Variants in GABRB1 observed in about 807,000 individuals in gnomAD.
GABRB1 encodes gamma-aminobutyric acid type A receptor subunit beta1.
A neutral mutation model predicts 51.6 loss-of-function variants in GABRB1; 17 were observed. That is an observed-to-expected ratio of 0.33 (90% CI 0.23 to 0.49). The LOEUF (loss-of-function observed/expected upper bound fraction) is 0.49, where lower values mean the gene tolerates loss of function less well. GABRB1 is among the 20% of genes least tolerant of loss of function. The pLI is 0.99. For missense variants in GABRB1, 410 were observed against 600.6 expected, an observed-to-expected ratio of 0.68 and a Z score of 3.32; for synonymous variants, 247 against 218.9, an observed-to-expected ratio of 1.13 and a Z score of -1.14.
chr4:47,404,712 C>A (rs371269201), intron 7 of GABRB1, among the ~76,000 whole-genome samples: 1 of 152,082 alleles, frequency 6.6e-6, no homozygotes, highest in Non-Finnish European at 1.5e-5. Flanking sequence ...CTTTGAACAG[C>A]CTAAGATTAA....
chr4:47,029,424 A>G (rs1382258949), upstream of GABRB1, among the ~76,000 whole-genome samples: 1 of 151,786 alleles, frequency 6.6e-6, no homozygotes, highest in Non-Finnish European at 1.5e-5. Flanking sequence ...TTTCTTATTT[A>G]CTTCTGGAAG....
At chr4:47,011,362 C>T (rs549449332) in intron 1 of GABRB1, among the ~76,000 whole-genome samples, 7 of 152,180 alleles carry the variant, frequency 4.6e-5, no homozygotes, top group African/African-American at 7.2e-5. Context: ...ACTGTCTGGG[C>T]GGCAACTACA....
At chr4:47,310,621 G>A (rs1034977884) in intron 4 of GABRB1, among the ~76,000 whole-genome samples, 1 of 152,098 alleles carries the variant, frequency 6.6e-6, no homozygotes, top group African/African-American at 2.4e-5. Context: ...GTCTATCTGG[G>A]TTTGAATCTC....
intron 4 of GABRB1, among the ~76,000 whole-genome samples, chr4:47,213,127 T>A (rs1467906805): frequency 1.3e-5 from 2 of 152,184 alleles, no homozygotes; most frequent in Non-Finnish European, 2.9e-5. Context: ...CCCACCCCCA[T>A]GGTCCTTATA....
chr4:47,096,283 C>T (rs942920592), intron 3 of GABRB1, among the ~76,000 whole-genome samples: 19 of 152,014 alleles, frequency 1.2e-4, no homozygotes, highest in African/African-American at 4.6e-4. Flanking sequence ...ATATTGGAAA[C>T]GCCAAGCCAA....
intron 3 of GABRB1, among the ~76,000 whole-genome samples, chr4:47,100,891 C>G (rs1466999836): frequency 6.6e-6 from 1 of 151,816 alleles, no homozygotes; most frequent in Non-Finnish European, 1.5e-5. Flanking sequence ...CAAGAGAAAC[C>G]AGCTTTCTTA....
chr4:47,287,927 T>C (rs1251913643), intron 4 of GABRB1, among the ~76,000 whole-genome samples: 2 of 152,114 alleles, frequency 1.3e-5, no homozygotes, highest in Non-Finnish European at 2.9e-5. Context: ...TGAGCTTGAG[T>C]ATGACTCATC....
chr4:47,222,988 C>T lies in GABRB1; in HGVS notation c.461+61519C>T, dbSNP rs547161086. On this transcript the variant is annotated intron_variant, in intron 4 of 8. Transcript: ENST00000295454. ...ACTTAAGAAAAATATTAAATGACAC[C>T]TTGCCATCTAAGCTCCTTTTAAGCA... Among the ~76,000 whole-genome samples the T allele has an allele frequency of 2.0e-5, 3 of 152,102 alleles. No individual in the cohort carries two copies. The East Asian group carries it at 5.8e-4, about 29-fold the overall frequency.
chr4:47,038,124 T>A (rs1725676238), intron 3 of GABRB1, among the ~76,000 whole-genome samples: 1 of 152,176 alleles, frequency 6.6e-6, no homozygotes, highest in Admixed American at 6.6e-5. Context: ...AAAATCTTTG[T>A]CTCCATCTTA....
At chr4:47,055,982 T>A (rs1726580879) in intron 3 of GABRB1, among the ~76,000 whole-genome samples, 1 of 152,200 alleles carries the variant, frequency 6.6e-6, no homozygotes, top group Admixed American at 6.5e-5. Flanking sequence ...ACTTTTAGCA[T>A]TAGTAAGTCC....
chr4:47,178,494 A>G (rs1718797397), intron 4 of GABRB1, among the ~76,000 whole-genome samples: 1 of 152,032 alleles, frequency 6.6e-6, no homozygotes, highest in Admixed American at 6.6e-5. Flanking sequence ...TTGTCATTGG[A>G]TTAGTGGAGC....
intron 4 of GABRB1, among the ~76,000 whole-genome samples, chr4:47,220,414 TC>T (rs886469273): frequency 2.2e-4 from 33 of 152,084 alleles, no homozygotes; most frequent in African/African-American, 7.7e-4. Flanking sequence ...CTTATCCTCT[TC>T]TGCAATCACT....
chr4:47,245,472 T>G (rs1357720231), intron 4 of GABRB1, among the ~76,000 whole-genome samples: 2 of 152,132 alleles, frequency 1.3e-5, no homozygotes, highest in Non-Finnish European at 2.9e-5. Context: ...GAAAAGATTT[T>G]AGGGACTCTT....
intron 4 of GABRB1, among the ~76,000 whole-genome samples, chr4:47,188,816 T>C (rs1160073479): frequency 1.3e-5 from 2 of 151,968 alleles, no homozygotes; most frequent in Admixed American, 1.3e-4. Context: ...GTATGTGACT[T>C]CCTGGCTTAT....
intron 3 of GABRB1, among the ~76,000 whole-genome samples, chr4:47,141,673 G>T (rs1425360489): frequency 1.3e-5 from 2 of 151,816 alleles, no homozygotes; most frequent in Non-Finnish European, 2.9e-5. Context: ...AGAAACACTT[G>T]ATATCTTTAT....
intron 3 of GABRB1, among the ~76,000 whole-genome samples, chr4:47,128,360 T>C (rs1716258401): frequency 6.6e-6 from 1 of 151,736 alleles, no homozygotes; most frequent in Admixed American, 6.6e-5. Context: ...AAATTAAGTA[T>C]GAGAGAGGAA....
intron 1 of GABRB1, among the ~76,000 whole-genome samples, chr4:46,996,367 T>C (rs191029910): frequency 6.6e-6 from 1 of 152,314 alleles, no homozygotes; most frequent in African/African-American, 2.4e-5. Flanking sequence ...AGTCACATTT[T>C]ATAAATTTAA....
At chr4:47,010,459 C>G (rs752915426) in intron 1 of GABRB1, among the ~76,000 whole-genome samples, 2 of 152,186 alleles carry the variant, frequency 1.3e-5, no homozygotes, top group African/African-American at 4.8e-5. Flanking sequence ...AGGTCTCCTG[C>G]CTCCTACTCT....
At chr4:47,081,380 A>T (rs1204326805) in intron 3 of GABRB1, among the ~76,000 whole-genome samples, 1 of 152,168 alleles carries the variant, frequency 6.6e-6, no homozygotes, top group Non-Finnish European at 1.5e-5. Flanking sequence ...GAATAAGAAA[A>T]TTTATATTAA....
Sources: gnomAD v4.1 joint callset for allele counts (sites outside exome capture counted in the v4.1 genomes callset) on GRCh38, gnomAD v4.1.1 for gene constraint, MANE v1.5 for transcripts, NCBI Gene and HGNC (gene_info 2026-07-23, HGNC 2026-07-21) for gene names.